RBM17: variants seen among roughly 807,000 people sequenced by gnomAD.
RBM17 encodes the protein splicing factor 45.
A neutral mutation model predicts 53.2 loss-of-function variants in RBM17; 7 were observed. The observed-to-expected ratio is 0.13, with a 90% CI of 0.07 to 0.25. The LOEUF is 0.25. Among genes scored for constraint, RBM17 ranks in the 10% least tolerant of loss-of-function variants. The pLI, the probability that RBM17 is intolerant of heterozygous loss-of-function variation, is 1.00. For synonymous variants in RBM17, 167 were observed against 178.1 expected (o/e 0.94, Z 0.50); for missense variants, 257 against 496.7 (o/e 0.52, Z 4.59).
In RBM17 at chr10:6,115,616, AAAG is replaced by A. The variant is rs1840902234; in HGVS notation, c.*64_*66del. ...TCCTTAAATGAACTGCAGGCTGAGA[AAAG>A]AAGGAAAAAGGTCACAGCCTCCATG... is the stretch of plus-strand genomic sequence containing the variant. On this transcript the variant is annotated 3_prime_UTR_variant, in exon 12 of 12. Coordinates refer to ENST00000379888, the MANE Select transcript of RBM17 (RefSeq NM_032905.5). The A allele has an allele frequency of 9.5e-7, 1 of 1,056,214 alleles. No homozygotes were observed. Among genetic ancestry groups the A allele is most frequent in the Non-Finnish European group, 1.5e-6 (1 of 678,510 alleles). 65.4% of individuals were successfully genotyped at this position (1,056,214 alleles called of 1,614,324 possible).
At chr10:6,104,229 T>A (rs929012389) in intron 3 of RBM17, among the ~76,000 whole-genome samples, 1 of 152,212 alleles carries the variant, frequency 6.6e-6, no homozygotes, top group African/African-American at 2.4e-5. Context: ...TTTTGCTAAT[T>A]TCTTTGTCAT....
At chr10:6,113,393 G>T in intron 8 of RBM17, 115 bp from the exon 9 acceptor site, 2 of 711,608 alleles carry the variant, frequency 2.8e-6, no homozygotes, top group Non-Finnish European at 4.9e-6. Flanking sequence ...GACATAAATG[G>T]TGGGGATCGC....
Position 6,107,918 on chromosome 10 carries a change from G to A in RBM17, c.506-768G>A, listed in dbSNP as rs912191355. Among the ~76,000 whole-genome samples, 20 of 151,924 alleles carry A rather than the reference G, an allele frequency of 1.3e-4. 1 individual carries two copies. The highest frequency in any genetic ancestry group is 6.2e-4 in the South Asian group (3 of 4,824). Reference sequence around the variant, plus strand: ...ATGTATTATGTAATATTATGTATACGTAATCCATATATGTTAGGACTTATG... The same window carrying A: ...ATGTATTATGTAATATTATGTATACATAATCCATATATGTTAGGACTTATG... On this transcript the variant is annotated intron_variant, in intron 5 of 11. Coordinates refer to ENST00000379888, the MANE Select transcript of RBM17 (RefSeq NM_032905.5).
chr10:6,106,694 T>A (rs1374219202), intron 5 of RBM17, among the ~76,000 whole-genome samples: 1 of 152,238 alleles, frequency 6.6e-6, no homozygotes, highest in Non-Finnish European at 1.5e-5. Context: ...ATAGGTTGAA[T>A]ATTTGTAGGT....
intron 8 of RBM17, chr10:6,113,293 C>G: frequency 2.3e-6 from 1 of 429,836 alleles, no homozygotes; most frequent in East Asian, 4.1e-5. Flanking sequence ...CATCCAGATG[C>G]TATTGTAAAA....
Position 6,089,200 on chromosome 10 carries a change from G to C in RBM17, c.-19+7G>C, listed in dbSNP as rs1013222212. The C allele has an allele frequency of 7.9e-5, 12 of 151,818 alleles. No homozygotes were observed. The highest frequency in any genetic ancestry group is 2.9e-4 in the African/African-American group (12 of 41,484). The allele number at this position is 151,818 out of a possible 1,614,324, so 9.4% of individuals were successfully genotyped here. On this transcript the variant is annotated splice_region_variant and intron_variant, in intron 1 of 11. Transcript: ENST00000379888. This position sits in a 1 kb window ranked among gnomAD's most constrained non-coding sequence, Gnocchi z 5.6. Reference sequence around the variant, plus strand: ...AGTCGGCCGGGCGGGCCGGGTAAGTGGCGCCCCGGCGGCCCCGGGTGGGTG... The same window carrying C: ...AGTCGGCCGGGCGGGCCGGGTAAGTCGCGCCCCGGCGGCCCCGGGTGGGTG...
intron 9 of RBM17, 29 bp from the exon 10 acceptor site, chr10:6,114,020 C>G: frequency 6.8e-7 from 1 of 1,466,826 alleles, no homozygotes; most frequent in Non-Finnish European, 9.5e-7. Context: ...ATACTTGGTA[C>G]TTGAATTTGT....
chr10:6,104,888 A>G (rs1840724381), intron 3 of RBM17, 43 bp from the exon 4 acceptor site: 6 of 1,558,564 alleles, frequency 3.8e-6, no homozygotes, highest in Non-Finnish European at 5.3e-6. Flanking sequence ...GTAAACTGGT[A>G]AGATATAAAG....
rs759849907 is a variant in RBM17, at chr10:6,110,122, C to T, written c.699C>T (p.Asn233=). 1 of 1,607,906 alleles carries T rather than the reference C, an allele frequency of 6.2e-7. No homozygotes were observed. Among genetic ancestry groups the T allele is most frequent in the Non-Finnish European group, 8.5e-7 (1 of 1,177,216 alleles). The change falls in exon 7 of 12, where the codon AAC becomes AAT. Residue 233 remains asparagine, a synonymous_variant. Coordinates refer to ENST00000379888, the MANE Select transcript of RBM17 (RefSeq NM_032905.5). The part of the protein sequence containing the change: ...PTGPSNSFLA[N]MGGTVAHKIM... ...GACCTAGCAACTCCTTCCTCGCTAA[C>T]ATGGGGTAATGATTTAATGTTCTTA...
chr10:6,103,245 G>A (rs1840696217), intron 3 of RBM17, among the ~76,000 whole-genome samples: 2 of 152,156 alleles, frequency 1.3e-5, no homozygotes, highest in Admixed American at 1.3e-4. Context: ...TCAGGCATAT[G>A]AGGGTGAATT....
At chr10:6,111,579 ATCC>A (rs1840838070) in intron 7 of RBM17, among the ~76,000 whole-genome samples, 1 of 152,178 alleles carries the variant, frequency 6.6e-6, no homozygotes, top group African/African-American at 2.4e-5. Flanking sequence ...ACCTCAGGTG[ATCC>A]ACCCGCCTCG....
At chr10:6,094,565 G>A (rs1224801581) in intron 1 of RBM17, among the ~76,000 whole-genome samples, 1 of 152,190 alleles carries the variant, frequency 6.6e-6, no homozygotes, top group Non-Finnish European at 1.5e-5. Flanking sequence ...GATGAAGAGG[G>A]CTCAAAAGAT....
At chr10:6,109,219 G>A (rs561506050) in intron 6 of RBM17, among the ~76,000 whole-genome samples, 3 of 152,090 alleles carry the variant, frequency 2.0e-5, no homozygotes, top group African/African-American at 4.8e-5. Context: ...GTTCCTTCTC[G>A]CAGTGATCTG....
At chr10:6,095,728 C>G (rs1840562208) in intron 1 of RBM17, among the ~76,000 whole-genome samples, 1 of 152,142 alleles carries the variant, frequency 6.6e-6, no homozygotes, top group Non-Finnish European at 1.5e-5. Context: ...CAGGGAGTTA[C>G]TGTACTTAAG....
chr10:6,096,341 G>A (rs763841417), intron 1 of RBM17, among the ~76,000 whole-genome samples: 52 of 152,262 alleles, frequency 3.4e-4, no homozygotes, highest in Non-Finnish European at 5.4e-4. Flanking sequence ...ACCTGCTGCC[G>A]ATGCTGCATT....
chr10:6,113,261 A>G (rs1564570128), intron 8 of RBM17: 2 of 347,984 alleles, frequency 5.7e-6, no homozygotes, highest in Non-Finnish European at 1.1e-5. Flanking sequence ...CAAAAATTGC[A>G]AGTAATGGTG....
chr10:6,096,984 T>C (rs1840586895), intron 1 of RBM17, 64 bp from the exon 2 acceptor site: 3 of 1,488,318 alleles, frequency 2.0e-6, no homozygotes, highest in Non-Finnish European at 2.7e-6. Flanking sequence ...ATGATACTTA[T>C]TTTAACATGA....
chr10:6,105,029 G>A lies in RBM17; in HGVS notation c.339G>A (p.Lys113=). 1 of 1,614,094 alleles carries A rather than the reference G, an allele frequency of 6.2e-7. No homozygotes were observed. The highest frequency in any genetic ancestry group is 2.2e-5 in the East Asian group (1 of 44,890). Residue 113 remains lysine (K), a synonymous_variant, in exon 4 of 12, where the codon AAG becomes AAA. Coordinates refer to ENST00000379888, the MANE Select transcript of RBM17 (RefSeq NM_032905.5). ...MFPNDYEKVV[K]RQREERQRQR... ...CTAATGATTATGAGAAAGTAGTGAAGCGCCAAAGAGAGGAACGACAGAGAC... is the reference window on the plus strand; with the variant it reads ...CTAATGATTATGAGAAAGTAGTGAAACGCCAAAGAGAGGAACGACAGAGAC...
intron 2 of RBM17, among the ~76,000 whole-genome samples, chr10:6,100,113 G>C (rs368695124): frequency 1.3e-5 from 2 of 152,172 alleles, no homozygotes; most frequent in South Asian, 4.2e-4. Flanking sequence ...GTAAACTTTC[G>C]TATTTACTTT....
Sources: gnomAD v4.1 joint callset for allele counts (sites outside exome capture counted in the v4.1 genomes callset) on GRCh38, gnomAD v4.1.1 for gene constraint, Gnocchi (gnomAD v3.1) non-coding constraint, MANE v1.5 for transcripts, NCBI Gene and HGNC (gene_info 2026-07-23, HGNC 2026-07-21) for gene names.